The following EAPP variants were observed in gnomAD, a reference collection of about 807,000 sequenced individuals.
The protein encoded by EAPP is E2F-associated phosphoprotein.
In EAPP, 38 loss-of-function variants were observed where a neutral mutation model predicts 34.3. The ratio of observed to expected loss-of-function variants is 1.11; its 90% CI spans 0.85 to 1.45. The LOEUF (loss-of-function observed/expected upper bound fraction) is 1.45. Among genes scored for constraint, EAPP ranks in the 40% most tolerant of loss-of-function variants. The probability of loss-of-function intolerance (pLI) is 0.00; values close to 1 mark genes in which losing one functional copy is unlikely to be tolerated. For missense variants in EAPP, 338 were observed against 343.7 expected, an observed-to-expected ratio of 0.98 and a Z score of 0.13; for synonymous variants, 113 against 117.6, an observed-to-expected ratio of 0.96 and a Z score of 0.25.
At chr14:34,525,402 T>C (rs998750869) in intron 4 of EAPP, among the ~76,000 whole-genome samples, 38 of 152,292 alleles carry the variant, frequency 2.5e-4, no homozygotes, top group African/African-American at 6.7e-4. Flanking sequence ...GTTGGTAGTA[T>C]GTACTCTTGA....
At chr14:34,517,648 T>C (rs1230056347) in intron 5 of EAPP, among the ~76,000 whole-genome samples, 1 of 152,138 alleles carries the variant, frequency 6.6e-6, no homozygotes, top group Non-Finnish European at 1.5e-5. Flanking sequence ...TTGTCAATTG[T>C]ATCTTTTAAA....
intron 2 of EAPP, among the ~76,000 whole-genome samples, chr14:34,534,806 G>C (rs1358118610): frequency 6.6e-6 from 1 of 151,270 alleles, no homozygotes; most frequent in Admixed American, 6.6e-5. Flanking sequence ...TTTAAGACCA[G>C]CCTGGGCAAC....
At chr14:34,537,737 G>A (rs1414331092) in intron 1 of EAPP, among the ~76,000 whole-genome samples, 2 of 152,198 alleles carry the variant, frequency 1.3e-5, no homozygotes, top group Non-Finnish European at 2.9e-5. Context: ...GACCCTCAGC[G>A]TAATACCTGT....
chr14:34,532,959 G>A (rs1360450057), intron 3 of EAPP, among the ~76,000 whole-genome samples: 3 of 152,096 alleles, frequency 2.0e-5, no homozygotes, highest in Non-Finnish European at 2.9e-5. Context: ...TTACAAGCGT[G>A]AGCCACCATG....
intron 1 of EAPP, 124 bp downstream of exon 1, chr14:34,539,431 A>T (rs777781930): frequency 1.8e-6 from 2 of 1,083,786 alleles, no homozygotes; most frequent in Admixed American, 3.8e-5. Flanking sequence ...TCGCACAAGT[A>T]ACAGGCACGA....
At chr14:34,516,972 C>T (rs1168108520) in intron 5 of EAPP, among the ~76,000 whole-genome samples, 1 of 145,032 alleles carries the variant, frequency 6.9e-6, no homozygotes, top group Non-Finnish European at 1.5e-5. Context: ...GAGTCTCGCT[C>T]TGTCGCCCAG....
chr14:34,529,274 C>T (rs1218999789), intron 4 of EAPP, 84 bp downstream of exon 4: 1 of 1,005,584 alleles, frequency 9.9e-7, no homozygotes, highest in African/African-American at 1.6e-5. Context: ...AACATATACA[C>T]ATATATTCAA....
At chr14:34,538,281 A>G (rs1266478594) in intron 1 of EAPP, among the ~76,000 whole-genome samples, 1 of 152,218 alleles carries the variant, frequency 6.6e-6, no homozygotes, top group Non-Finnish European at 1.5e-5. Flanking sequence ...CAGGAGGCTG[A>G]GGCAGGAGAA....
chr14:34,519,991 T>C (rs1594657121), intron 5 of EAPP, among the ~76,000 whole-genome samples: 1 of 151,754 alleles, frequency 6.6e-6, no homozygotes, highest in Admixed American at 6.6e-5. Context: ...TTCAAGTGAT[T>C]CTCCTGCCTC....
chr14:34,524,914 A>T, intron 4 of EAPP, 107 bp from the exon 5 acceptor site: 1 of 794,038 alleles, frequency 1.3e-6, no homozygotes, highest in Non-Finnish European at 2.1e-6. Context: ...GAAATGGCTA[A>T]TTCTAGGAAT....
At chr14:34,530,904 C>CAAAAAAAAAAAAAAAAAAAAA (rs780101001) in intron 3 of EAPP, among the ~76,000 whole-genome samples, 1 of 55,188 alleles carries the variant, frequency 1.8e-5, no homozygotes, top group Non-Finnish European at 3.2e-5. Flanking sequence ...CAATCTTTAC[C>CAAAAAAAAAAAAAAAAAAAAA]AAAAAAAAAA....
intron 1 of EAPP, 108 bp from the exon 2 acceptor site, chr14:34,536,383 A>G (rs1208821342): frequency 1.3e-6 from 1 of 793,688 alleles, no homozygotes; most frequent in South Asian, 2.1e-5. Context: ...ACATGGTTAC[A>G]TTTGATGTAC....
At position 34,536,097 on chromosome 14, in the gene EAPP, T is replaced by C. The variant is rs773357203; in HGVS notation, c.253A>G (p.Thr85Ala). The change falls in exon 2 of 6, where the codon ACT becomes GCT. Residue 85 changes from threonine to alanine, a missense_variant. By Grantham distance (58) the Thr-to-Ala change is moderately conservative. Coordinates refer to ENST00000250454, the MANE Select transcript of EAPP (RefSeq NM_018453.4). ...TMEDKLSSLGTGSSSGNGKVA... is the reference protein window; with the variant it reads ...TMEDKLSSLGAGSSSGNGKVA... ...TAAAATTGAACCAAAAGTTTACCAGTTCCCAGAGAGGATAACTTGTCCTCC... is the reference window on the plus strand; with the variant it reads ...TAAAATTGAACCAAAAGTTTACCAGCTCCCAGAGAGGATAACTTGTCCTCC... The C allele has an allele frequency of 1.2e-5, 20 of 1,605,678 alleles. No individual in the cohort carries two copies. In the African/African-American group the frequency reaches 2.0e-4, roughly 16 times the overall value.
At chr14:34,526,007 G>A (rs934104367) in intron 4 of EAPP, among the ~76,000 whole-genome samples, 1 of 151,854 alleles carries the variant, frequency 6.6e-6, no homozygotes, top group Middle Eastern at 3.4e-3. Flanking sequence ...GCGACAGAGC[G>A]AGACTCTGTC....
At chr14:34,523,264 G>A (rs1879977252) in intron 5 of EAPP, among the ~76,000 whole-genome samples, 1 of 147,458 alleles carries the variant, frequency 6.8e-6, no homozygotes, top group South Asian at 2.1e-4. Flanking sequence ...TTGAGACGGA[G>A]TCTCGCTCTG....
At chr14:34,528,264 G>A (rs1880158926) in intron 4 of EAPP, among the ~76,000 whole-genome samples, 1 of 151,768 alleles carries the variant, frequency 6.6e-6, no homozygotes, top group Admixed American at 6.6e-5. Context: ...TTGAACTCCT[G>A]ACTTCAAGTG....
At chr14:34,539,487 C>T (rs762172775) in intron 1 of EAPP, 68 bp downstream of exon 1, 52 of 1,532,280 alleles carry the variant, frequency 3.4e-5, no homozygotes, top group Non-Finnish European at 4.3e-5. Context: ...GCAGGCGCAA[C>T]GAATGGAGGC....
At chr14:34,519,011 C>T (rs1879827149) in intron 5 of EAPP, among the ~76,000 whole-genome samples, 1 of 152,100 alleles carries the variant, frequency 6.6e-6, no homozygotes, top group Admixed American at 6.6e-5. Flanking sequence ...TGGCTTGGGT[C>T]TGTGTCCCTG....
intron 2 of EAPP, among the ~76,000 whole-genome samples, chr14:34,534,908 C>T (rs992170203): frequency 4.0e-5 from 6 of 151,606 alleles, no homozygotes; most frequent in Admixed American, 3.3e-4. Context: ...GGCACAATCT[C>T]GGCTCACTGC....
Sources: allele counts gnomAD v4.1 joint callset (sites outside exome capture counted in the v4.1 genomes callset), GRCh38; gene constraint gnomAD v4.1.1; transcripts MANE v1.5; gene names NCBI Gene and HGNC (gene_info 2026-07-23, HGNC 2026-07-21).